GRIK4: variants seen among roughly 807,000 people sequenced by gnomAD.
GRIK4 encodes the protein glutamate ionotropic receptor kainate type subunit 4.
GRIK4 carries 40 observed loss-of-function variants against 104.9 expected under a neutral mutation model. That is an observed-to-expected ratio of 0.38 (90% CI 0.30 to 0.50). The LOEUF is 0.50. Among genes scored for constraint, GRIK4 ranks in the 20% least tolerant of loss-of-function variants. The pLI is 0.93. For synonymous variants in GRIK4, 485 were observed against 524.9 expected, an observed-to-expected ratio of 0.92 and a Z score of 1.04; for missense variants, 1,047 against 1,308.1, an observed-to-expected ratio of 0.80 and a Z score of 3.08.
rs1943678605 is a variant in GRIK4 at position 120,939,869 on chromosome 11, A to G, written c.1477-478A>G. Among the ~76,000 whole-genome samples, 1 of 152,018 alleles carries G rather than the reference A, an allele frequency of 6.6e-6. No individual in the cohort carries two copies. The highest frequency in any genetic ancestry group is 1.9e-4 in the East Asian group (1 of 5,182). On this transcript the variant is annotated intron_variant, in intron 13 of 20. Coordinates refer to ENST00000527524, the MANE Select transcript of GRIK4 (RefSeq NM_014619.5). This position sits in a 1 kb window ranked among gnomAD's most constrained non-coding sequence, Gnocchi z 5.6. ...GTGGCCCACGCCTGTAGTTCCAGCT[A>G]CTCGGGAAGCTGAGGCAGGAGAATC...
intron 3 of GRIK4, among the ~76,000 whole-genome samples, chr11:120,790,237 T>C (rs1366556155): frequency 6.6e-6 from 1 of 152,202 alleles, no homozygotes; most frequent in Non-Finnish European, 1.5e-5. Flanking sequence ...TTGCTTAAGA[T>C]AGGTGTTTAA....
At chr11:120,628,629 C>A (rs1052565199) in intron 1 of GRIK4, among the ~76,000 whole-genome samples, 1 of 152,134 alleles carries the variant, frequency 6.6e-6, no homozygotes. Flanking sequence ...TCCCTGGGGT[C>A]CTGGCCTGTT....
intron 8 of GRIK4, among the ~76,000 whole-genome samples, chr11:120,841,016 A>G (rs1953699701): frequency 6.6e-6 from 1 of 152,100 alleles, no homozygotes; most frequent in African/African-American, 2.4e-5. Context: ...AGTTTATTTC[A>G]CTCAGCATAA....
chr11:120,924,296 C>T (rs1490759710), intron 13 of GRIK4, among the ~76,000 whole-genome samples: 4 of 152,148 alleles, frequency 2.6e-5, no homozygotes, highest in Admixed American at 2.0e-4. Flanking sequence ...GAGGTCACCG[C>T]TGTAGCAGTC....
intron 3 of GRIK4, among the ~76,000 whole-genome samples, chr11:120,667,195 T>G (rs146285475): frequency 9.1e-4 from 139 of 152,356 alleles, no homozygotes; most frequent in African/African-American, 3.1e-3. Context: ...TCATTATCAT[T>G]GTGTCCTCAT....
chr11:120,923,052 G>A (rs995229983), intron 13 of GRIK4, among the ~76,000 whole-genome samples: 2 of 152,312 alleles, frequency 1.3e-5, no homozygotes, highest in African/African-American at 2.4e-5. Context: ...CCTAGGTGGC[G>A]ACAGAACAGT....
chr11:120,857,612 A>G (rs112281435), intron 8 of GRIK4, among the ~76,000 whole-genome samples: 8 of 152,298 alleles, frequency 5.3e-5, no homozygotes, highest in African/African-American at 1.9e-4. Flanking sequence ...CAATAATGCA[A>G]TTCACAGAGG....
At chr11:120,597,425 CCCT>C (rs1948817852) in intron 1 of GRIK4, among the ~76,000 whole-genome samples, 1 of 152,334 alleles carries the variant, frequency 6.6e-6, no homozygotes, top group Non-Finnish European at 1.5e-5. Flanking sequence ...TCCTTCCTCT[CCCT>C]CCTTGGCTGA....
intron 11 of GRIK4, among the ~76,000 whole-genome samples, chr11:120,876,919 G>T (rs77280158): frequency 0.088 from 13,402 of 152,306 alleles, 745 homozygotes; most frequent in South Asian, 0.2. Context: ...TGGAGGCCCT[G>T]TCATGTCTGC....
intron 1 of GRIK4, among the ~76,000 whole-genome samples, chr11:120,547,687 C>T (rs1241506197): frequency 2.0e-5 from 3 of 152,024 alleles, no homozygotes; most frequent in Non-Finnish European, 2.9e-5. Flanking sequence ...AGGGACCAGA[C>T]ATTACATGAG....
At chr11:120,636,306 C>T (rs1332239267) in intron 1 of GRIK4, among the ~76,000 whole-genome samples, 3 of 152,200 alleles carry the variant, frequency 2.0e-5, no homozygotes, top group Admixed American at 6.5e-5. Flanking sequence ...CCCAGGGGAG[C>T]ATGAGTGCCC....
intron 3 of GRIK4, among the ~76,000 whole-genome samples, chr11:120,688,547 T>G (rs1380291545): frequency 1.8e-4 from 28 of 152,042 alleles, no homozygotes; most frequent in Non-Finnish European, 8.8e-5. Context: ...GAGGAATGAG[T>G]GTTCAGCAAG....
chr11:120,925,698 G>A (rs1169064586), intron 13 of GRIK4, among the ~76,000 whole-genome samples: 2 of 152,264 alleles, frequency 1.3e-5, no homozygotes, highest in East Asian at 1.9e-4. Context: ...TCGGCCAGGC[G>A]CAGTGGCTCA....
chr11:120,921,949 C>G (rs1392195385), intron 13 of GRIK4, among the ~76,000 whole-genome samples: 1 of 152,146 alleles, frequency 6.6e-6, no homozygotes, highest in African/African-American at 2.4e-5. Context: ...GGCTTTCTTT[C>G]CTGAAGTATG....
chr11:120,587,339 A>G (rs1044373581), intron 1 of GRIK4, among the ~76,000 whole-genome samples: 1 of 152,102 alleles, frequency 6.6e-6, no homozygotes, highest in South Asian at 2.1e-4. Context: ...CTACTTTGAC[A>G]TGGAAAAAAA....
At chr11:120,588,785 T>C (rs1395828618) in intron 1 of GRIK4, among the ~76,000 whole-genome samples, 1 of 152,150 alleles carries the variant, frequency 6.6e-6, no homozygotes, top group African/African-American at 2.4e-5. Flanking sequence ...ACCCACCAGA[T>C]GCCAGTAGCA....
chr11:120,632,899 G>A lies in GRIK4; in HGVS notation c.-158-20786G>A, dbSNP rs1201166486. 7.9e-5 allele frequency among the ~76,000 whole-genome samples: 12 copies of A among 152,188 alleles called. No homozygotes were observed. The East Asian group carries it at 9.7e-4, about 12-fold the overall frequency. On this transcript the variant is annotated intron_variant, in intron 1 of 20. Transcript: ENST00000527524. ...CACTATGACCTTGTTACTAGCTCACGTCTTAACCCACCTTGGAGTTCACAG... is the reference window on the plus strand; with the variant it reads ...CACTATGACCTTGTTACTAGCTCACATCTTAACCCACCTTGGAGTTCACAG...
At chr11:120,933,305 T>C (rs11218062) in intron 13 of GRIK4, among the ~76,000 whole-genome samples, 22,615 of 152,210 alleles carry the variant, frequency 0.15, 2,186 homozygotes, top group East Asian at 0.33. Context: ...TCATAAGGTC[T>C]CCATAAGCCC....
At chr11:120,603,618 G>A (rs1948916222) in intron 1 of GRIK4, among the ~76,000 whole-genome samples, 1 of 152,150 alleles carries the variant, frequency 6.6e-6, no homozygotes, top group South Asian at 2.1e-4. Flanking sequence ...AGATGTCCCT[G>A]ACCCCATCTT....
Sources: gnomAD v4.1 joint callset for allele counts (sites outside exome capture counted in the v4.1 genomes callset) on GRCh38, gnomAD v4.1.1 for gene constraint, Gnocchi (gnomAD v3.1) non-coding constraint, MANE v1.5 for transcripts, NCBI Gene and HGNC (gene_info 2026-07-23, HGNC 2026-07-21) for gene names.